CACNA2D3: variants seen among roughly 807,000 people sequenced by gnomAD.
CACNA2D3 encodes the protein voltage-dependent calcium channel subunit alpha-2/delta-3.
A neutral mutation model predicts 160.6 loss-of-function variants in CACNA2D3; 60 were observed. The observed-to-expected ratio is 0.37, with a 90% CI of 0.30 to 0.46. CACNA2D3 has a LOEUF of 0.46. CACNA2D3 is among the 20% of genes least tolerant of loss of function. The probability of loss-of-function intolerance (pLI) is 1.00; values close to 1 mark genes in which losing one functional copy is unlikely to be tolerated. For missense variants in CACNA2D3, 1,205 were observed against 1,365.0 expected, an observed-to-expected ratio of 0.88 and a Z score of 1.85; for synonymous variants, 558 against 492.9, an observed-to-expected ratio of 1.13 and a Z score of -1.75.
In CACNA2D3 at chr3:54,292,954, A is replaced by C. The variant is rs545506606; in HGVS notation, c.205-27488A>C. Among the ~76,000 whole-genome samples the C allele has an allele frequency of 6.6e-5, 10 of 152,200 alleles. No homozygotes were observed. In the East Asian group the frequency reaches 1.4e-3, roughly 21 times the overall value. On this transcript the variant is annotated intron_variant, in intron 2 of 37. Transcript: ENST00000474759. ...TGTGCATCAACAGATGAGTGAATTAATAAAATGTGATATATGCATACAATG... is the reference window on the plus strand; with the variant it reads ...TGTGCATCAACAGATGAGTGAATTACTAAAATGTGATATATGCATACAATG...
At chr3:54,698,875 A>G (rs1700713984) in intron 11 of CACNA2D3, among the ~76,000 whole-genome samples, 1 of 152,166 alleles carries the variant, frequency 6.6e-6, no homozygotes, top group South Asian at 2.1e-4. Flanking sequence ...GTAACCATTT[A>G]TAGACATACA....
chr3:54,990,737 C>T (rs1036253485), intron 31 of CACNA2D3, among the ~76,000 whole-genome samples: 2 of 152,140 alleles, frequency 1.3e-5, no homozygotes, highest in African/African-American at 4.8e-5. Flanking sequence ...CTCCCCTGAC[C>T]ATTCTGACCA....
At chr3:54,235,163 A>G (rs1034653933) in intron 2 of CACNA2D3, among the ~76,000 whole-genome samples, 1 of 152,202 alleles carries the variant, frequency 6.6e-6, no homozygotes, top group Non-Finnish European at 1.5e-5. Context: ...TAAAGTAAAG[A>G]TGTGCTCAGC....
At chr3:54,730,588 C>T (rs1399078786) in intron 11 of CACNA2D3, among the ~76,000 whole-genome samples, 6 of 152,226 alleles carry the variant, frequency 3.9e-5, no homozygotes, top group South Asian at 2.1e-4. Context: ...CTGCAACCTC[C>T]GCCTCCTGGA....
intron 2 of CACNA2D3, among the ~76,000 whole-genome samples, chr3:54,173,698 G>A (rs1213281430): frequency 6.6e-6 from 1 of 152,214 alleles, no homozygotes; most frequent in African/African-American, 2.4e-5. Flanking sequence ...AGATTGAACA[G>A]GTGTTGTTTG....
chr3:54,442,514 C>G (rs1700160480), intron 4 of CACNA2D3, among the ~76,000 whole-genome samples: 1 of 152,156 alleles, frequency 6.6e-6, no homozygotes. Flanking sequence ...TTTCCCTTAA[C>G]TGTCCACTTG....
chr3:54,887,824 G>A (rs1385175345), intron 23 of CACNA2D3, 135 bp from the exon 24 acceptor site: 1 of 668,398 alleles, frequency 1.5e-6, no homozygotes. Context: ...TTTTCAACTA[G>A]TGGGAACTTA....
intron 3 of CACNA2D3, among the ~76,000 whole-genome samples, chr3:54,346,904 A>T (rs1698468171): frequency 6.6e-6 from 1 of 152,226 alleles, no homozygotes; most frequent in African/African-American, 2.4e-5. Flanking sequence ...AATTGGAATA[A>T]AATGTGCACA....
At chr3:54,417,495 A>G (rs1699771641) in intron 4 of CACNA2D3, among the ~76,000 whole-genome samples, 1 of 152,050 alleles carries the variant, frequency 6.6e-6, no homozygotes, top group Non-Finnish European at 1.5e-5. Context: ...TAAGATTCTG[A>G]TCTTTTACAT....
At chr3:54,594,665 A>G (rs1219694877) in intron 9 of CACNA2D3, among the ~76,000 whole-genome samples, 2 of 152,228 alleles carry the variant, frequency 1.3e-5, no homozygotes, top group Non-Finnish European at 1.5e-5. Flanking sequence ...GAGGGCAAGA[A>G]GACTTGGATA....
chr3:54,985,197 G>A (rs1336943837), intron 30 of CACNA2D3, among the ~76,000 whole-genome samples: 4 of 152,200 alleles, frequency 2.6e-5, no homozygotes, highest in African/African-American at 9.6e-5. Context: ...AGGGTCCAGA[G>A]ATAGAAGAGG....
chr3:54,861,792 C>T (rs1414617393), intron 17 of CACNA2D3, among the ~76,000 whole-genome samples: 2 of 152,242 alleles, frequency 1.3e-5, no homozygotes, highest in East Asian at 3.9e-4. Flanking sequence ...GCTCACGCCA[C>T]TTTCTCTGAT....
At chr3:54,963,457 C>T (rs764815490) in intron 27 of CACNA2D3, among the ~76,000 whole-genome samples, 2 of 152,274 alleles carry the variant, frequency 1.3e-5, no homozygotes, top group East Asian at 1.9e-4. Flanking sequence ...CCTGTGGCTA[C>T]GGAGCACTTG....
At chr3:54,590,514 A>C (rs1399880298) in intron 9 of CACNA2D3, among the ~76,000 whole-genome samples, 2 of 152,116 alleles carry the variant, frequency 1.3e-5, no homozygotes, top group Non-Finnish European at 2.9e-5. Context: ...TGATCATATC[A>C]ATGTCAGTAT....
intron 4 of CACNA2D3, among the ~76,000 whole-genome samples, chr3:54,436,959 C>A (rs1017694269): frequency 1.3e-5 from 2 of 152,092 alleles, no homozygotes; most frequent in Non-Finnish European, 2.9e-5. Flanking sequence ...GTTAAAGGGA[C>A]CTAAATGCAA....
chr3:54,240,926 G>C (rs1190400768), intron 2 of CACNA2D3, among the ~76,000 whole-genome samples: 1 of 152,028 alleles, frequency 6.6e-6, no homozygotes, highest in Non-Finnish European at 1.5e-5. Flanking sequence ...ATTTTGAGTA[G>C]AGACGGGTTT....
At chr3:54,163,007 A>G (rs1431612927) in intron 2 of CACNA2D3, among the ~76,000 whole-genome samples, 1 of 152,194 alleles carries the variant, frequency 6.6e-6, no homozygotes, top group East Asian at 1.9e-4. Context: ...GCAAAGGGAA[A>G]AACAAGTGCA....
chr3:54,525,827 A>G (rs1701715558), intron 5 of CACNA2D3, among the ~76,000 whole-genome samples: 1 of 150,728 alleles, frequency 6.6e-6, no homozygotes, highest in South Asian at 2.1e-4. Flanking sequence ...GTTTGCGTTT[A>G]TATGAATTGG....
At chr3:54,293,952 A>G (rs865888850) in intron 2 of CACNA2D3, among the ~76,000 whole-genome samples, 16 of 152,226 alleles carry the variant, frequency 1.1e-4, no homozygotes, top group Admixed American at 2.0e-4. Context: ...ATTTAAATGC[A>G]TGCTTGGGGG....
Sources: gnomAD v4.1 joint callset for allele counts (sites outside exome capture counted in the v4.1 genomes callset) on GRCh38, gnomAD v4.1.1 for gene constraint, MANE v1.5 for transcripts, NCBI Gene and HGNC (gene_info 2026-07-23, HGNC 2026-07-21) for gene names.